The following DENND4C variants were observed in gnomAD, a reference collection of about 807,000 sequenced individuals.
The protein encoded by DENND4C is DENN domain containing 4C.
DENND4C carries 108 observed loss-of-function variants against 203.0 expected under a neutral mutation model. The observed-to-expected ratio is 0.53, with a 90% CI of 0.46 to 0.62. DENND4C has a LOEUF of 0.62. Ranked by LOEUF, DENND4C falls within the 20% of genes least tolerant of loss-of-function variation. The pLI is 0.00. For synonymous variants in DENND4C, 871 were observed against 792.4 expected (o/e 1.10, Z -1.67); for missense variants, 2,481 against 2,301.2 (o/e 1.08, Z -1.60).
chr9:19,342,941 T>G (rs1821975541), intron 22 of DENND4C, among the ~76,000 whole-genome samples, 162 bp downstream of exon 22: 2 of 152,186 alleles, frequency 1.3e-5, no homozygotes, highest in South Asian at 4.1e-4. Flanking sequence ...TTGAAAATAT[T>G]GTTATTTAAA....
intron 1 of DENND4C, among the ~76,000 whole-genome samples, chr9:19,258,012 A>G (rs1012459339): frequency 6.6e-6 from 1 of 152,004 alleles, no homozygotes; most frequent in African/African-American, 2.4e-5. Flanking sequence ...CAGCTACTTG[A>G]GATGCTGAGG....
At chr9:19,336,857 C>A (rs1439194659) in intron 20 of DENND4C, 25 bp downstream of exon 20, 1 of 1,538,390 alleles carries the variant, frequency 6.5e-7, no homozygotes, top group Non-Finnish European at 8.8e-7. Context: ...ATTTTACTAA[C>A]CCTTCACTTA....
rs537852627 is a variant in DENND4C at position 19,306,498 on chromosome 9, G to A, written c.1487+971G>A. Among the ~76,000 whole-genome samples, 7 of 152,114 alleles carry A rather than the reference G, an allele frequency of 4.6e-5. No homozygotes were observed. The East Asian group carries it at 9.6e-4, about 21-fold the overall frequency. On this transcript the variant is annotated intron_variant, in intron 10 of 32. Coordinates refer to ENST00000434457, the MANE Select transcript of DENND4C (RefSeq NM_001330640.2). Reference sequence around the variant, plus strand: ...AACTTGCATGAATTAGTTTTTTGTAGCACACATTTTATTGTTTGTAGGCTA... The same window carrying A: ...AACTTGCATGAATTAGTTTTTTGTAACACACATTTTATTGTTTGTAGGCTA...
At chr9:19,350,555 G>T in intron 23 of DENND4C, 147 bp from the exon 24 acceptor site, 2 of 621,112 alleles carry the variant, frequency 3.2e-6, no homozygotes, top group Non-Finnish European at 2.7e-6. Context: ...TGAAATAATA[G>T]TGAGGAGATT....
chr9:19,254,739 T>C (rs1827505543), intron 1 of DENND4C, among the ~76,000 whole-genome samples: 1 of 152,200 alleles, frequency 6.6e-6, no homozygotes, highest in African/African-American at 2.4e-5. Context: ...AATTTGACTG[T>C]GGTAGTCAGT....
In DENND4C at chr9:19,296,173, G is replaced by A. The variant is rs1391628706; in HGVS notation, c.967G>A (p.Glu323Lys). ...ICLLSHWPFF[E>K]AFRKFLMFIY... ...TTTACTCTCACACTGGCCTTTTTTT[G>A]AAGCTTTTAGGAAATTTCTTATGTT... The change falls in exon 6 of 33, where the codon GAA becomes AAA. Residue 323 changes from glutamate (E) to lysine (K), a missense_variant. Transcript: ENST00000434457. 1.9e-6 allele frequency: 3 copies of A among 1,613,620 alleles called. No homozygotes were observed. In the Admixed American group the frequency reaches 5.0e-5, roughly 27 times the overall value.
intron 9 of DENND4C, among the ~76,000 whole-genome samples, chr9:19,302,972 A>ACTTGGCTTT (rs1838899543): frequency 6.7e-6 from 1 of 149,486 alleles, no homozygotes; most frequent in African/African-American, 2.5e-5. Context: ...TCTGAACTCT[A>ACTTGGCTTT]ATGTCCTTTA....
intron 1 of DENND4C, among the ~76,000 whole-genome samples, chr9:19,250,749 C>T (rs1169997404): frequency 6.6e-6 from 1 of 152,214 alleles, no homozygotes; most frequent in East Asian, 1.9e-4. Context: ...GTCTGAAATC[C>T]AGCGGGGTGG....
chr9:19,332,517 A>ATTTTTTTT (rs11310338), intron 17 of DENND4C, among the ~76,000 whole-genome samples: 1 of 130,208 alleles, frequency 7.7e-6, no homozygotes, highest in African/African-American at 2.9e-5. Flanking sequence ...TACCTGGCTA[A>ATTTTTTTT]TTTTTTTTTT....
At chr9:19,365,136 T>C (rs1827370092) in intron 30 of DENND4C, among the ~76,000 whole-genome samples, 1 of 152,170 alleles carries the variant, frequency 6.6e-6, no homozygotes, top group South Asian at 2.1e-4. Flanking sequence ...TTTAGTAATA[T>C]AGACATAAAA....
chr9:19,297,803 G>T (rs1837766295), intron 6 of DENND4C, among the ~76,000 whole-genome samples: 1 of 152,048 alleles, frequency 6.6e-6, no homozygotes, highest in Non-Finnish European at 1.5e-5. Context: ...CTATTTTTAT[G>T]TTATTTTTAT....
chr9:19,249,261 T>A (rs566882689), intron 1 of DENND4C, among the ~76,000 whole-genome samples: 3 of 152,110 alleles, frequency 2.0e-5, no homozygotes, highest in Admixed American at 2.0e-4. Flanking sequence ...ATTTTTGTTT[T>A]TTTTTTTTGA....
At chr9:19,291,665 A>G (rs1836328698) in intron 5 of DENND4C, among the ~76,000 whole-genome samples, 1 of 150,408 alleles carries the variant, frequency 6.6e-6, no homozygotes, top group East Asian at 2.0e-4. Flanking sequence ...AGACTGCACC[A>G]TTGCACTCCA....
chr9:19,244,396 A>G (rs1824583464), intron 1 of DENND4C, among the ~76,000 whole-genome samples: 1 of 151,938 alleles, frequency 6.6e-6, no homozygotes, highest in African/African-American at 2.4e-5. Context: ...ATATTTTAGT[A>G]TTCCATTTAT....
Position 19,244,122 on chromosome 9 carries a change from C to T in DENND4C, c.-18+13289C>T, listed in dbSNP as rs529451720. Among the ~76,000 whole-genome samples the T allele has an allele frequency of 2.6e-5, 4 of 152,068 alleles. No homozygotes were observed. In the East Asian group the frequency reaches 7.7e-4, roughly 29 times the overall value. ...CTCGGCTCACTGCCGCCTCCGCCTC[C>T]CGGGTTTAAGCGATTCTCCTGCCTC... On this transcript the variant is annotated intron_variant, in intron 1 of 32. Coordinates refer to ENST00000434457, the MANE Select transcript of DENND4C (RefSeq NM_001330640.2).
intron 32 of DENND4C, 82 bp from the exon 33 acceptor site, chr9:19,371,955 A>G: frequency 1.4e-6 from 2 of 1,432,838 alleles, no homozygotes; most frequent in East Asian, 2.3e-5. Context: ...AATACATATA[A>G]TTTGACTCAA....
At chr9:19,312,393 A>T (rs1447551306) in intron 10 of DENND4C, among the ~76,000 whole-genome samples, 1 of 152,160 alleles carries the variant, frequency 6.6e-6, no homozygotes, top group African/African-American at 2.4e-5. Context: ...GTGAGCCACC[A>T]TGCCCGGCTA....
intron 17 of DENND4C, among the ~76,000 whole-genome samples, chr9:19,334,276 C>T (rs1204622391): frequency 6.6e-6 from 1 of 152,066 alleles, no homozygotes; most frequent in Non-Finnish European, 1.5e-5. Context: ...ATCTCGAACT[C>T]CTGACCTCAG....
intron 1 of DENND4C, among the ~76,000 whole-genome samples, chr9:19,257,142 G>GA (rs917732321): frequency 3.3e-5 from 5 of 151,644 alleles, no homozygotes; most frequent in Non-Finnish European, 5.9e-5. Flanking sequence ...GGAAAAAAAG[G>GA]AAAAAAGAAT....
Sources: gnomAD v4.1 joint callset for allele counts (sites outside exome capture counted in the v4.1 genomes callset) on GRCh38, gnomAD v4.1.1 for gene constraint, MANE v1.5 for transcripts, NCBI Gene and HGNC (gene_info 2026-07-23, HGNC 2026-07-21) for gene names.